PLA2G4A: variants seen among roughly 807,000 people sequenced by gnomAD.
PLA2G4A encodes phospholipase A2 group IVA, also known as cytosolic phospholipase A2.
A neutral mutation model predicts 81.9 loss-of-function variants in PLA2G4A; 40 were observed. The observed-to-expected ratio is 0.49, with a 90% CI of 0.38 to 0.64. The LOEUF (loss-of-function observed/expected upper bound fraction) is 0.64. Among genes scored for constraint, PLA2G4A ranks in the 30% least tolerant of loss-of-function variants. The pLI is 0.00. For synonymous variants in PLA2G4A, 302 were observed against 296.9 expected, an observed-to-expected ratio of 1.02 and a Z score of -0.18; for missense variants, 715 against 905.1, an observed-to-expected ratio of 0.79 and a Z score of 2.69.
chr1:186,837,087 A>T (rs1212855397), intron 1 of PLA2G4A, among the ~76,000 whole-genome samples: 2 of 152,184 alleles, frequency 1.3e-5, no homozygotes, highest in Non-Finnish European at 2.9e-5. Flanking sequence ...TATTAGGGTG[A>T]TGTTGTGGGA....
At chr1:186,988,037 C>T (rs1657940580) in intron 17 of PLA2G4A, among the ~76,000 whole-genome samples, 1 of 152,202 alleles carries the variant, frequency 6.6e-6, no homozygotes, top group Non-Finnish European at 1.5e-5. Flanking sequence ...TTAGTAATTA[C>T]TTGTTTCTTC....
intron 17 of PLA2G4A, among the ~76,000 whole-genome samples, chr1:186,981,507 T>C (rs1266302764): frequency 2.6e-5 from 4 of 152,228 alleles, no homozygotes; most frequent in African/African-American, 9.6e-5. Flanking sequence ...TGTTGATTCT[T>C]CAGAAACCAT....
chr1:186,901,884 T>G (rs1654551754), intron 5 of PLA2G4A, among the ~76,000 whole-genome samples: 1 of 152,130 alleles, frequency 6.6e-6, no homozygotes, highest in African/African-American at 2.4e-5. Flanking sequence ...TCTTGGGTAA[T>G]GGATTAGATG....
chr1:186,841,597 T>C (rs544443549), intron 1 of PLA2G4A, among the ~76,000 whole-genome samples: 1 of 152,278 alleles, frequency 6.6e-6, no homozygotes, highest in Admixed American at 6.5e-5. Context: ...TGAAATACTT[T>C]CTAGGTGGTG....
At chr1:186,964,212 A>C (rs1249526370) in intron 14 of PLA2G4A, among the ~76,000 whole-genome samples, 2 of 152,218 alleles carry the variant, frequency 1.3e-5, no homozygotes, top group African/African-American at 4.8e-5. Context: ...GGAGGAAACA[A>C]GAGTGTGGAC....
chr1:186,938,402 A>G (rs1571420760), intron 8 of PLA2G4A, among the ~76,000 whole-genome samples: 1 of 152,244 alleles, frequency 6.6e-6, no homozygotes, highest in Middle Eastern at 3.4e-3. Context: ...GAAAGCATTT[A>G]CTTTAAAGAC....
At chr1:186,912,181 T>C (rs995596835) in intron 7 of PLA2G4A, among the ~76,000 whole-genome samples, 4 of 152,192 alleles carry the variant, frequency 2.6e-5, no homozygotes, top group Non-Finnish European at 5.9e-5. Context: ...AAGAATGTTT[T>C]TCTAGTGATC....
At chr1:186,894,307 T>A in intron 5 of PLA2G4A, 96 bp downstream of exon 5, 1 of 707,742 alleles carries the variant, frequency 1.4e-6, no homozygotes, top group South Asian at 1.5e-5. Context: ...TTGTATTTAT[T>A]TGTTCATAGA....
rs61812926 is a variant in PLA2G4A, at chr1:186,853,092, T to C, written c.-69-1194T>C. Reference sequence around the variant, plus strand: ...TGTTGGTACAAATAATGATGGTTGATGCACCAGAATGAAGAACGGGGGGAA... The same window carrying C: ...TGTTGGTACAAATAATGATGGTTGACGCACCAGAATGAAGAACGGGGGGAA... On this transcript the variant is annotated intron_variant, in intron 1 of 17. Coordinates refer to ENST00000367466, the MANE Select transcript of PLA2G4A (RefSeq NM_024420.3). Among the ~76,000 whole-genome samples, 246 of 152,048 alleles carry C rather than the reference T, an allele frequency of 1.6e-3. 1 individual carries two copies. Among genetic ancestry groups the C allele is most frequent in the South Asian group, 0.013 (63 of 4,822 alleles).
intron 2 of PLA2G4A, among the ~76,000 whole-genome samples, chr1:186,864,002 T>G (rs1459390549): frequency 1.5e-5 from 2 of 137,022 alleles, no homozygotes; most frequent in African/African-American, 2.8e-5. Context: ...CCTCAGGTGA[T>G]CCACCTTCCT....
chr1:186,948,409 G>A (rs905460138), intron 12 of PLA2G4A, among the ~76,000 whole-genome samples: 1 of 151,590 alleles, frequency 6.6e-6, no homozygotes, highest in South Asian at 2.1e-4. Context: ...ATGATAAAAT[G>A]ATCTTACTTG....
intron 16 of PLA2G4A, 50 bp downstream of exon 16, chr1:186,977,838 C>A (rs372189873): frequency 1.8e-4 from 215 of 1,170,826 alleles, no homozygotes; most frequent in Non-Finnish European, 2.6e-4. Flanking sequence ...AAGTAGGGGA[C>A]GAAACTGACA....
intron 7 of PLA2G4A, among the ~76,000 whole-genome samples, chr1:186,916,548 G>A (rs1014479457): frequency 3.9e-5 from 6 of 152,140 alleles, no homozygotes; most frequent in East Asian, 1.9e-4. Flanking sequence ...AAGATTATGC[G>A]TTTGGGCACC....
intron 3 of PLA2G4A, among the ~76,000 whole-genome samples, chr1:186,872,069 T>C (rs1653292534): frequency 6.6e-6 from 1 of 152,122 alleles, no homozygotes; most frequent in Non-Finnish European, 1.5e-5. Flanking sequence ...GAGTTTTGGC[T>C]GAGCAGTGGT....
At chr1:186,918,861 A>T (rs1317232586) in intron 7 of PLA2G4A, among the ~76,000 whole-genome samples, 1 of 152,216 alleles carries the variant, frequency 6.6e-6, no homozygotes, top group East Asian at 1.9e-4. Flanking sequence ...TTACCACAGC[A>T]TGGGGGGCCT....
intron 7 of PLA2G4A, among the ~76,000 whole-genome samples, chr1:186,912,389 A>C (rs1431882771): frequency 6.6e-6 from 1 of 152,108 alleles, no homozygotes; most frequent in Non-Finnish European, 1.5e-5. Flanking sequence ...CAAATGTGTA[A>C]TGACATGCAT....
chr1:186,888,721 C>T (rs1337381230), intron 3 of PLA2G4A, among the ~76,000 whole-genome samples: 2 of 152,116 alleles, frequency 1.3e-5, no homozygotes, highest in Non-Finnish European at 2.9e-5. Flanking sequence ...ATATAGTAGG[C>T]ACTCATGTAT....
At chr1:186,891,633 T>A (rs1358778436) in intron 3 of PLA2G4A, among the ~76,000 whole-genome samples, 1 of 152,234 alleles carries the variant, frequency 6.6e-6, no homozygotes, top group African/African-American at 2.4e-5. Flanking sequence ...CGAGATCTCA[T>A]TCTTCTTTAT....
At chr1:186,844,197 G>C (rs912671685) in intron 1 of PLA2G4A, among the ~76,000 whole-genome samples, 1 of 152,152 alleles carries the variant, frequency 6.6e-6, no homozygotes, top group Non-Finnish European at 1.5e-5. Context: ...CGTAAACTGA[G>C]AGTATGGTTT....
Sources: allele counts gnomAD v4.1 joint callset (sites outside exome capture counted in the v4.1 genomes callset), GRCh38; gene constraint gnomAD v4.1.1; transcripts MANE v1.5; gene names NCBI Gene and HGNC (gene_info 2026-07-23, HGNC 2026-07-21).